Variants in PEMT observed in about 807,000 individuals in gnomAD.
PEMT encodes the protein phospholipid methyltransferase.
Under a neutral mutation model 27.4 loss-of-function variants are expected in PEMT, and 23 were observed. The observed-to-expected ratio is 0.84, with a 90% CI of 0.60 to 1.19. The LOEUF is 1.19. PEMT is among the 50% of genes most tolerant of loss of function. The pLI, the probability that PEMT is intolerant of heterozygous loss-of-function variation, is 0.00. For missense variants in PEMT, 307 were observed against 310.1 expected (o/e 0.99, Z 0.07); for synonymous variants, 137 against 139.1 (o/e 0.98, Z 0.11).
At chr17:17,543,167 G>C (rs555426927) in intron 2 of PEMT, among the ~76,000 whole-genome samples, 1 of 152,236 alleles carries the variant, frequency 6.6e-6, no homozygotes, top group African/African-American at 2.4e-5. Context: ...GAGAAGCCAC[G>C]TCGTGTCCTA....
intron 2 of PEMT, among the ~76,000 whole-genome samples, chr17:17,548,827 G>A (rs1318895243): frequency 2.6e-5 from 4 of 152,220 alleles, no homozygotes; most frequent in Admixed American, 6.5e-5. Flanking sequence ...TTACAGGCGT[G>A]AGCCGCCGAG....
At chr17:17,525,338 C>T (rs151182890) in intron 2 of PEMT, among the ~76,000 whole-genome samples, 6 of 152,162 alleles carry the variant, frequency 3.9e-5, no homozygotes, top group East Asian at 1.9e-4. Flanking sequence ...TGCCTCCCAG[C>T]GAACTGGTAT....
At chr17:17,546,826 G>T (rs1477701958) in intron 2 of PEMT, among the ~76,000 whole-genome samples, 1 of 152,254 alleles carries the variant, frequency 6.6e-6, no homozygotes, top group African/African-American at 2.4e-5. Flanking sequence ...GACAACCAAG[G>T]CTGCCTCATT....
intron 2 of PEMT, among the ~76,000 whole-genome samples, chr17:17,524,870 G>A (rs556952663): frequency 3.3e-5 from 5 of 152,214 alleles, no homozygotes; most frequent in African/African-American, 4.8e-5. Flanking sequence ...AGCACTTTGG[G>A]AGGCCGAGGC....
chr17:17,547,068 TG>T (rs956182330), intron 2 of PEMT, among the ~76,000 whole-genome samples: 1 of 152,362 alleles, frequency 6.6e-6, no homozygotes, highest in Non-Finnish European at 1.5e-5. Context: ...ATGCTCCGCC[TG>T]GGGGGCACCC....
At chr17:17,562,112 T>A (rs1910525846) in intron 2 of PEMT, among the ~76,000 whole-genome samples, 1 of 152,200 alleles carries the variant, frequency 6.6e-6, no homozygotes, top group Admixed American at 6.5e-5. Flanking sequence ...CCTGCCATGA[T>A]GCATCCATGT....
intron 2 of PEMT, among the ~76,000 whole-genome samples, chr17:17,558,956 T>C (rs1910270417): frequency 6.6e-6 from 1 of 152,182 alleles, no homozygotes; most frequent in Non-Finnish European, 1.5e-5. Context: ...CAGCAAGTCC[T>C]TCACCATTTC....
rs1037927812 is a variant in PEMT, at chr17:17,527,151, C to T, written c.205-4756G>A. On this transcript the variant is annotated intron_variant, in intron 2 of 6. Coordinates refer to ENST00000255389, the MANE Select transcript of PEMT (RefSeq NM_148172.3). ...CTCCCGGGTTCAGGTGATTCTCCTG[C>T]CTCAGCCTCCCGAGTAGCTGGGATT... Among the ~76,000 whole-genome samples, 4 of 152,228 alleles carry T rather than the reference C, an allele frequency of 2.6e-5. No individual in the cohort carries two copies. In the East Asian group the frequency reaches 5.8e-4, roughly 22 times the overall value.
chr17:17,580,792 C>T (rs1043365761), intron 1 of PEMT, among the ~76,000 whole-genome samples: 19 of 152,128 alleles, frequency 1.2e-4, no homozygotes, highest in Admixed American at 3.9e-4. Flanking sequence ...TCTGTTATTC[C>T]GCCTCTTACA....
chr17:17,529,883 G>A (rs933090389), intron 2 of PEMT, among the ~76,000 whole-genome samples: 2 of 152,156 alleles, frequency 1.3e-5, no homozygotes, highest in Non-Finnish European at 2.9e-5. Flanking sequence ...AATGAACTGC[G>A]CTACAGCCCC....
intron 2 of PEMT, among the ~76,000 whole-genome samples, chr17:17,525,039 G>A (rs762951807): frequency 2.0e-5 from 3 of 152,032 alleles, no homozygotes; most frequent in Admixed American, 6.5e-5. Flanking sequence ...CCTAGGAGGC[G>A]GAGGTTGCAG....
chr17:17,507,386 G>A (rs1472828166), intron 5 of PEMT: 7 of 626,788 alleles, frequency 1.1e-5, no homozygotes, highest in Admixed American at 5.0e-5. Context: ...GGGCTGGATC[G>A]AGGTGAGGGC....
chr17:17,568,640 G>T (rs1477386659), intron 2 of PEMT, among the ~76,000 whole-genome samples: 1 of 152,196 alleles, frequency 6.6e-6, no homozygotes, highest in Non-Finnish European at 1.5e-5. Flanking sequence ...TACAAGGTCG[G>T]CTTTCCCGGC....
At chr17:17,508,803 G>C (rs766603565) in intron 5 of PEMT, 60 of 463,182 alleles carry the variant, frequency 1.3e-4, no homozygotes, top group Non-Finnish European at 1.8e-5. Flanking sequence ...ATGGCACGGG[G>C]CCCCCTCTGT....
chr17:17,531,621 C>CAAAAAAAAAAAAAAAAAAAAAAAAAAA (rs58165466), intron 2 of PEMT, among the ~76,000 whole-genome samples: 1 of 62,410 alleles, frequency 1.6e-5, no homozygotes, highest in Non-Finnish European at 2.9e-5. Flanking sequence ...CTATCATATG[C>CAAAAAAAAAAAAAAAAAAAAAAAAAAA]AAAAAAAAAA....
In PEMT at chr17:17,518,072, C is replaced by A. The variant is rs536239803; in HGVS notation, c.320+4208G>T. 11 of 985,532 alleles carry A rather than the reference C, an allele frequency of 1.1e-5. No homozygotes were observed. The African/African-American group carries it at 1.7e-4, about 16-fold the overall frequency. The allele number at this position is 985,532 out of a possible 1,614,324, so 61.0% of individuals were successfully genotyped here. A position where few individuals can be genotyped will look rare whatever the true frequency, so the allele number is the denominator to read the frequency against. On this transcript the variant is annotated intron_variant, in intron 3 of 6. Transcript: ENST00000255389. ...CCCGCCACACCAGAGCACACAGGAG[C>A]CTCTCCCCTCAGAAGACCCAGAGGG...
intron 2 of PEMT, among the ~76,000 whole-genome samples, chr17:17,529,215 C>A (rs1344838323): frequency 6.6e-6 from 1 of 152,216 alleles, no homozygotes; most frequent in African/African-American, 2.4e-5. Flanking sequence ...GGCCCGGTGA[C>A]CTGGATCACA....
intron 1 of PEMT, among the ~76,000 whole-genome samples, chr17:17,579,190 C>T (rs919182798): frequency 3.9e-5 from 6 of 152,348 alleles, no homozygotes; most frequent in African/African-American, 1.4e-4. Context: ...AGTCTCCTGA[C>T]ATAACTCTGC....
intron 2 of PEMT, among the ~76,000 whole-genome samples, chr17:17,575,142 A>G (rs985271368): frequency 1.3e-5 from 2 of 151,422 alleles, no homozygotes; most frequent in African/African-American, 4.9e-5. Flanking sequence ...TCTGGGGGAG[A>G]CTCCATTTTT....
Sources: allele counts gnomAD v4.1 joint callset (sites outside exome capture counted in the v4.1 genomes callset), GRCh38; gene constraint gnomAD v4.1.1; transcripts MANE v1.5; gene names NCBI Gene and HGNC (gene_info 2026-07-23, HGNC 2026-07-21).